The following AATF variants were observed in gnomAD, a reference collection of about 807,000 sequenced individuals.
The protein encoded by AATF is apoptosis antagonizing transcription factor.
Under a neutral mutation model 63.7 loss-of-function variants are expected in AATF, and 48 were observed. That is an observed-to-expected ratio of 0.75 (90% confidence interval 0.60 to 0.96). AATF has a LOEUF of 0.96. AATF is among the 40% of genes least tolerant of loss of function. The pLI is 0.00. For missense variants in AATF, 639 were observed against 685.7 expected (o/e 0.93, Z 0.76); for synonymous variants, 258 against 247.7 (o/e 1.04, Z -0.39).
chr17:37,048,249 T>C (rs2142323167), intron 11 of AATF, among the ~76,000 whole-genome samples: 1 of 152,206 alleles, frequency 6.6e-6, no homozygotes. Flanking sequence ...TTTTCTACTA[T>C]AGTGATTTTT....
At chr17:36,956,673 CAA>C (rs35410946) in intron 4 of AATF, among the ~76,000 whole-genome samples, 11 of 90,880 alleles carry the variant, frequency 1.2e-4, no homozygotes, top group Non-Finnish European at 9.0e-5. Flanking sequence ...AACTCCGTCT[CAA>C]AAAAAAAAAA....
In AATF at chr17:37,056,750, G is replaced by T; in HGVS notation, c.*86G>T. ...AGGAAACCAGTGACTTTATGGGGCT[G>T]AGCTAGTAGGGAAGCCCCTGGAAAG... On this transcript the variant is annotated 3_prime_UTR_variant, in exon 12 of 12. Coordinates refer to ENST00000619387, the MANE Select transcript of AATF (RefSeq NM_012138.4). 2.9e-6 allele frequency: 4 copies of T among 1,400,590 alleles called. No homozygotes were observed. Among genetic ancestry groups the T allele is most frequent in the Non-Finnish European group, 4.0e-6 (4 of 996,158 alleles). The allele number at this position is 1,400,590 out of a possible 1,614,324, so 86.8% of individuals were successfully genotyped here.
rs71159679 is a variant in AATF at position 37,022,113 on chromosome 17, CGTGTGTGT to C, written c.1547+1131_1547+1138del. 6.5e-4 allele frequency among the ~76,000 whole-genome samples: 94 copies of C among 145,432 alleles called. No homozygotes were observed. In the South Asian group the frequency reaches 7.8e-3, roughly 12 times the overall value. On this transcript the variant is annotated intron_variant, in intron 10 of 11. Transcript: ENST00000619387. ...CTATACTTTTAGACTTGGTAACTGC[CGTGTGTGT>C]GTGTGTGTGTGTGTGTGTGTGTGTG...
intron 4 of AATF, among the ~76,000 whole-genome samples, chr17:36,981,881 C>T (rs2071128481): frequency 6.6e-6 from 1 of 151,886 alleles, no homozygotes; most frequent in Non-Finnish European, 1.5e-5. Flanking sequence ...AATTTACTAT[C>T]CTAACCATTT....
chr17:37,030,095 T>C (rs8079382), intron 10 of AATF, among the ~76,000 whole-genome samples: 5,041 of 151,940 alleles, frequency 0.033, 242 homozygotes, highest in African/African-American at 0.1. Flanking sequence ...TGTGGGGGTA[T>C]AGACAGGGTC....
intron 4 of AATF, among the ~76,000 whole-genome samples, chr17:36,968,208 T>C (rs1372952112): frequency 6.6e-6 from 1 of 150,548 alleles, no homozygotes; most frequent in Non-Finnish European, 1.5e-5. Context: ...CAGTACTTTC[T>C]ATTGAGTTTT....
At chr17:37,048,910 G>A (rs1299534068) in intron 11 of AATF, among the ~76,000 whole-genome samples, 1 of 152,198 alleles carries the variant, frequency 6.6e-6, no homozygotes, top group Non-Finnish European at 1.5e-5. Context: ...GATGAAAGGA[G>A]GGTGCCATTT....
intron 11 of AATF, among the ~76,000 whole-genome samples, chr17:37,048,931 G>A (rs1462679408): frequency 6.6e-6 from 1 of 152,226 alleles, no homozygotes; most frequent in Admixed American, 6.5e-5. Flanking sequence ...AGTCCCTCGT[G>A]TTGGTTGGGA....
At chr17:36,968,618 TTTTTTTC>T (rs1291517467) in intron 4 of AATF, among the ~76,000 whole-genome samples, 2 of 151,826 alleles carry the variant, frequency 1.3e-5, no homozygotes, top group Non-Finnish European at 2.9e-5. Flanking sequence ...ATTGTTTGGG[TTTTTTTC>T]TTTTTTCTTT....
At chr17:36,990,914 A>G (rs1020575705) in intron 8 of AATF, 57 bp downstream of exon 8, 3 of 1,296,656 alleles carry the variant, frequency 2.3e-6, no homozygotes, top group Non-Finnish European at 3.2e-6. Context: ...AAAGCAGCTT[A>G]TAGAATTCTC....
At chr17:37,019,538 A>G (rs536858507) in intron 9 of AATF, among the ~76,000 whole-genome samples, 19 of 152,340 alleles carry the variant, frequency 1.2e-4, no homozygotes, top group African/African-American at 3.8e-4. Context: ...GGAACGTGGC[A>G]GCATTACCCA....
At chr17:37,015,835 C>T (rs1372129685) in intron 8 of AATF, among the ~76,000 whole-genome samples, 1 of 152,190 alleles carries the variant, frequency 6.6e-6, no homozygotes, top group Non-Finnish European at 1.5e-5. Flanking sequence ...AACATAGAGC[C>T]TTTCCCTTGT....
intron 10 of AATF, among the ~76,000 whole-genome samples, chr17:37,023,314 A>G (rs1463678497): frequency 1.3e-5 from 2 of 152,214 alleles, no homozygotes; most frequent in African/African-American, 4.8e-5. Context: ...CAGTTTGAAA[A>G]GAAAAAACCA....
At chr17:36,987,705 T>A (rs1190325637) in intron 5 of AATF, among the ~76,000 whole-genome samples, 1 of 152,260 alleles carries the variant, frequency 6.6e-6, no homozygotes, top group African/African-American at 2.4e-5. Flanking sequence ...TAGATGGCAC[T>A]GCAGGTTAGT....
intron 11 of AATF, 94 bp downstream of exon 11, chr17:37,031,779 C>T: frequency 9.9e-7 from 1 of 1,010,032 alleles, no homozygotes; most frequent in Non-Finnish European, 1.6e-6. Context: ...TTCTTCTTAT[C>T]AGTTAACCAT....
intron 8 of AATF, among the ~76,000 whole-genome samples, chr17:36,994,593 C>T (rs899291049): frequency 4.6e-5 from 7 of 152,314 alleles, no homozygotes; most frequent in South Asian, 2.1e-4. Context: ...CTTGTCAAAG[C>T]GCATTCCTAA....
At chr17:36,970,286 C>G (rs2071028707) in intron 4 of AATF, among the ~76,000 whole-genome samples, 2 of 152,130 alleles carry the variant, frequency 1.3e-5, no homozygotes, top group Admixed American at 1.3e-4. Flanking sequence ...TTGGTATGTT[C>G]TTAATTTTAA....
chr17:36,989,455 A>G (rs375039843), intron 7 of AATF, 44 bp downstream of exon 7: 13 of 1,529,280 alleles, frequency 8.5e-6, no homozygotes, highest in South Asian at 5.2e-5. Flanking sequence ...AATAGTTTCT[A>G]TGAGGCTTAT....
intron 4 of AATF, among the ~76,000 whole-genome samples, chr17:36,970,470 T>C (rs1971107789): frequency 1.3e-5 from 2 of 152,040 alleles, no homozygotes; most frequent in Admixed American, 1.3e-4. Flanking sequence ...TAATGGGCAG[T>C]TGACTTTTAA....
Sources: gnomAD v4.1 joint callset for allele counts (sites outside exome capture counted in the v4.1 genomes callset) on GRCh38, gnomAD v4.1.1 for gene constraint, MANE v1.5 for transcripts, NCBI Gene and HGNC (gene_info 2026-07-23, HGNC 2026-07-21) for gene names.